CSMD1: variants seen among roughly 807,000 people sequenced by gnomAD.
CSMD1 encodes CUB and sushi domain-containing protein 1.
A neutral mutation model predicts 417.5 loss-of-function variants in CSMD1; 213 were observed. That is an observed-to-expected ratio of 0.51 (90% CI 0.46 to 0.57). The LOEUF (loss-of-function observed/expected upper bound fraction) is 0.57. CSMD1 is among the 20% of genes least tolerant of loss of function. The pLI is 0.00. For synonymous variants in CSMD1, 2,862 were observed against 1,736.8 expected (o/e 1.65, Z -16.11); for missense variants, 6,923 against 4,529.7 (o/e 1.53, Z -15.17).
chr8:3,152,017 C>T (rs1184573520), intron 39 of CSMD1, among the ~76,000 whole-genome samples: 1 of 152,214 alleles, frequency 6.6e-6, no homozygotes. Context: ...CCTAAAGTGA[C>T]ATGCCTGGTA....
At chr8:4,078,656 C>A (rs868286174) in intron 3 of CSMD1, among the ~76,000 whole-genome samples, 1 of 150,198 alleles carries the variant, frequency 6.7e-6, no homozygotes, top group Non-Finnish European at 1.5e-5. Flanking sequence ...TTCTAACTAT[C>A]CTTTTGAGAA....
At chr8:4,018,212 G>C (rs1054891677) in intron 4 of CSMD1, among the ~76,000 whole-genome samples, 7 of 151,924 alleles carry the variant, frequency 4.6e-5, no homozygotes, top group African/African-American at 7.3e-5. Context: ...ATATTTTCCA[G>C]AATTATATTT....
intron 18 of CSMD1, among the ~76,000 whole-genome samples, chr8:3,383,043 G>A (rs1020601941): frequency 6.6e-6 from 1 of 152,156 alleles, no homozygotes; most frequent in African/African-American, 2.4e-5. Flanking sequence ...TGATGCCAGC[G>A]CATGTAGATA....
chr8:4,382,730 T>TG (rs140294007), intron 3 of CSMD1, among the ~76,000 whole-genome samples: 12,716 of 152,238 alleles, frequency 0.084, 693 homozygotes, highest in South Asian at 0.19. Context: ...TTTAACGCTT[T>TG]GCATTGTTAG....
At chr8:4,348,359 G>C (rs1440210585) in intron 3 of CSMD1, among the ~76,000 whole-genome samples, 2 of 152,138 alleles carry the variant, frequency 1.3e-5, no homozygotes, top group African/African-American at 2.4e-5. Context: ...ATCCACCCAA[G>C]TGTACTACGC....
chr8:3,075,280 C>CA lies in CSMD1; in HGVS notation c.7474+11816_7474+11817insT, dbSNP rs1362652436. On this transcript the variant is annotated intron_variant, in intron 49 of 69. Coordinates refer to ENST00000635120, the MANE Select transcript of CSMD1 (RefSeq NM_033225.6). ...TCTTTTTCTTTTCTTTTCTTTCTTT[C>CA]TTTTTTTTTTTTTTTAGATGGAGTT... 6.1e-4 allele frequency among the ~76,000 whole-genome samples: 24 copies of CA among 39,410 alleles called. No homozygotes were observed. In the East Asian group the frequency reaches 0.013, roughly 22 times the overall value. 25.9% of individuals were successfully genotyped at this position (39,410 alleles called of 152,430 possible).
intron 3 of CSMD1, among the ~76,000 whole-genome samples, chr8:4,358,539 T>TATG (rs777825359): frequency 6.6e-6 from 1 of 152,218 alleles, no homozygotes; most frequent in Non-Finnish European, 1.5e-5. Context: ...GAGGTGACGA[T>TATG]ATGGCCTACA....
At chr8:3,809,212 C>G (rs73504737) in intron 5 of CSMD1, among the ~76,000 whole-genome samples, 3,715 of 152,252 alleles carry the variant, frequency 0.024, 157 homozygotes, top group African/African-American at 0.085. Flanking sequence ...CCCATCAGGT[C>G]TCCAGTTAAG....
At chr8:4,081,077 C>T (rs992875959) in intron 3 of CSMD1, among the ~76,000 whole-genome samples, 2 of 152,142 alleles carry the variant, frequency 1.3e-5, no homozygotes, top group Admixed American at 6.5e-5. Flanking sequence ...AGTAAGAATG[C>T]AACACTTTGG....
intron 1 of CSMD1, among the ~76,000 whole-genome samples, chr8:4,966,881 A>C (rs941129355): frequency 6.6e-6 from 1 of 152,178 alleles, no homozygotes; most frequent in Non-Finnish European, 1.5e-5. Context: ...CCTTATTCAC[A>C]AGCACGGTTA....
At chr8:4,047,291 GGA>G (rs1236476410) in intron 3 of CSMD1, among the ~76,000 whole-genome samples, 3 of 152,090 alleles carry the variant, frequency 2.0e-5, no homozygotes, top group African/African-American at 4.8e-5. Context: ...AAGGGAGGAA[GGA>G]GAGAGACATA....
At chr8:4,291,273 G>C (rs1425947388) in intron 3 of CSMD1, among the ~76,000 whole-genome samples, 6 of 151,974 alleles carry the variant, frequency 3.9e-5, no homozygotes, top group Non-Finnish European at 5.9e-5. Context: ...TATTCAAAAG[G>C]ATAAATATGG....
rs151239006 is a variant in CSMD1, at chr8:4,028,352, A to C, written c.610+3553T>G. On this transcript the variant is annotated intron_variant, in intron 4 of 69. Coordinates refer to ENST00000635120, the MANE Select transcript of CSMD1 (RefSeq NM_033225.6). ...AATAAAATGCCTACTTATGAAGATT[A>C]AATTTGCTAAAGTAGTGCCTGGCTT... Among the ~76,000 whole-genome samples, 421 of 152,292 alleles carry C rather than the reference A, an allele frequency of 2.8e-3. 2 individuals carry two copies. The highest frequency in any genetic ancestry group is 9.7e-3 in the African/African-American group (402 of 41,562).
At position 3,160,461 on chromosome 8, in the gene CSMD1, C is replaced by T. The variant is rs962252459; in HGVS notation, c.5844+1698G>A. Among the ~76,000 whole-genome samples the T allele has an allele frequency of 4.6e-5, 7 of 152,214 alleles. No homozygotes were observed. In the South Asian group the frequency reaches 6.2e-4, roughly 14 times the overall value. Reference sequence around the variant, plus strand: ...TCTGACATATCAGGTGGATCAGGAACGTTGTGTCCTAAAGATTCAGCCTGA... The same window carrying T: ...TCTGACATATCAGGTGGATCAGGAATGTTGTGTCCTAAAGATTCAGCCTGA... On this transcript the variant is annotated intron_variant, in intron 38 of 69. Coordinates refer to ENST00000635120, the MANE Select transcript of CSMD1 (RefSeq NM_033225.6).
intron 3 of CSMD1, among the ~76,000 whole-genome samples, chr8:4,231,262 T>C (rs1456004451): frequency 6.6e-6 from 1 of 152,180 alleles, no homozygotes; most frequent in Non-Finnish European, 1.5e-5. Flanking sequence ...AAGGAAGCCA[T>C]CTGTTACCAG....
At chr8:4,418,374 G>T (rs1405672558) in intron 3 of CSMD1, among the ~76,000 whole-genome samples, 3 of 151,924 alleles carry the variant, frequency 2.0e-5, no homozygotes, top group African/African-American at 7.3e-5. Context: ...ATACCATCAT[G>T]ACCACCAGTA....
At chr8:3,158,023 T>G in intron 38 of CSMD1, 57 bp from the exon 39 acceptor site, 2 of 1,361,140 alleles carry the variant, frequency 1.5e-6, no homozygotes, top group Non-Finnish European at 2.0e-6. Context: ...TATTTAAGGA[T>G]TAAATGTTTG....
At chr8:3,687,162 G>A (rs1585076287) in intron 7 of CSMD1, among the ~76,000 whole-genome samples, 1 of 152,206 alleles carries the variant, frequency 6.6e-6, no homozygotes, top group African/African-American at 2.4e-5. Flanking sequence ...TCACACCTCT[G>A]AACGCACCTC....
At chr8:4,395,925 T>C (rs1804176259) in intron 3 of CSMD1, among the ~76,000 whole-genome samples, 1 of 152,230 alleles carries the variant, frequency 6.6e-6, no homozygotes, top group Non-Finnish European at 1.5e-5. Context: ...CTGACAGTTT[T>C]TGTAACCGTT....
Sources: gnomAD v4.1 joint callset for allele counts (sites outside exome capture counted in the v4.1 genomes callset) on GRCh38, gnomAD v4.1.1 for gene constraint, MANE v1.5 for transcripts, NCBI Gene and HGNC (gene_info 2026-07-23, HGNC 2026-07-21) for gene names.